ABCB4: variants seen among roughly 807,000 people sequenced by gnomAD.
The protein encoded by ABCB4 is ATP binding cassette subfamily B member 4, also known as phosphatidylcholine translocator ABCB4.
In ABCB4, 76 loss-of-function variants were observed where a neutral mutation model predicts 145.7. The ratio of observed to expected loss-of-function variants is 0.52; its 90% confidence interval spans 0.43 to 0.63. The LOEUF (loss-of-function observed/expected upper bound fraction) is 0.63. ABCB4 is among the 30% of genes least tolerant of loss of function. The pLI is 0.00. For missense variants in ABCB4, 1,234 were observed against 1,553.1 expected, an observed-to-expected ratio of 0.79 and a Z score of 3.45; for synonymous variants, 517 against 566.8, an observed-to-expected ratio of 0.91 and a Z score of 1.25.
chr7:87,465,183 T>C (rs1812773307), intron 3 of ABCB4, among the ~76,000 whole-genome samples: 1 of 152,184 alleles, frequency 6.6e-6, no homozygotes, highest in Admixed American at 6.5e-5. Context: ...ACCCTAATAC[T>C]GCGCTTTTCC....
At chr7:87,377,914 AT>A in the ABCB4 span, among the ~76,000 whole-genome samples, 1 of 152,148 alleles carries the variant, frequency 6.6e-6, no homozygotes, top group Non-Finnish European at 1.5e-5. Context: ...AGTTACTACC[AT>A]TTTGACCATT....
chr7:87,390,826 G>C, the ABCB4 span, among the ~76,000 whole-genome samples: 1 of 152,186 alleles, frequency 6.6e-6, no homozygotes, highest in African/African-American at 2.4e-5. Flanking sequence ...CCAAAACGTA[G>C]TGGCTTAAAA....
At chr7:87,389,720 A>G in the ABCB4 span, among the ~76,000 whole-genome samples, 1 of 152,186 alleles carries the variant, frequency 6.6e-6, no homozygotes, top group Non-Finnish European at 1.5e-5. Context: ...ATGTATACCT[A>G]TGTAATAAAC....
Position 87,475,488 on chromosome 7 carries a change from G to A in ABCB4, c.-6-17C>T. ...CATCTCAGCCTGAGGAGAAACCACA[G>A]CCTCAGAACCAAGTACACCCTCTCC... On this transcript the variant is annotated splice_polypyrimidine_tract_variant and intron_variant, in intron 1 of 27. Coordinates refer to ENST00000649586, the MANE Select transcript of ABCB4 (RefSeq NM_000443.4). The A allele has an allele frequency of 6.2e-7, 1 of 1,613,656 alleles. No homozygotes were observed.
chr7:87,402,816 T>C (rs547910553), intron 27 of ABCB4, among the ~76,000 whole-genome samples: 1 of 152,072 alleles, frequency 6.6e-6, no homozygotes, highest in Non-Finnish European at 1.5e-5. Flanking sequence ...CTGGCCAACA[T>C]AATGAAACCC....
chr7:87,366,174 T>A, the ABCB4 span, among the ~76,000 whole-genome samples: 1 of 152,160 alleles, frequency 6.6e-6, no homozygotes, highest in Admixed American at 6.5e-5. Context: ...ACCTTTTCTC[T>A]AAAAGATGTT....
chr7:87,433,967 G>A (rs1810428794), intron 14 of ABCB4, among the ~76,000 whole-genome samples: 1 of 149,882 alleles, frequency 6.7e-6, no homozygotes, highest in Non-Finnish European at 1.5e-5. Flanking sequence ...GTCTTGCTCT[G>A]TTGCCAGGCT....
rs186119120 is a variant in ABCB4, at chr7:87,403,752, C to A, written c.3487-471G>T. ...TTCCATTATAATCTTATGGGAACCA[C>A]TGTGGTATACGCAGTCTGTCATTGA... On this transcript the variant is annotated intron_variant, in intron 26 of 27. Coordinates refer to ENST00000649586, the MANE Select transcript of ABCB4 (RefSeq NM_000443.4). Among the ~76,000 whole-genome samples the A allele has an allele frequency of 3.0e-3, 463 of 152,284 alleles. 2 individuals carry two copies. Among genetic ancestry groups the A allele is most frequent in the Middle Eastern group, 6.8e-3 (2 of 294 alleles).
intron 2 of ABCB4, among the ~76,000 whole-genome samples, chr7:87,474,557 G>T (rs1179526856): frequency 6.6e-6 from 1 of 152,162 alleles, no homozygotes; most frequent in Non-Finnish European, 1.5e-5. Context: ...GTCCCTCTGG[G>T]TGATCACTTG....
chr7:87,466,560 T>C (rs1006278422), intron 3 of ABCB4, among the ~76,000 whole-genome samples: 1 of 152,102 alleles, frequency 6.6e-6, no homozygotes, highest in Admixed American at 6.6e-5. Flanking sequence ...ACCACAAAGA[T>C]ACTCCTCGAG....
chr7:87,451,835 T>A, intron 6 of ABCB4, 41 bp from the exon 7 acceptor site: 1 of 1,600,442 alleles, frequency 6.2e-7, no homozygotes, highest in Middle Eastern at 1.7e-4. Flanking sequence ...GCAGGAGGTT[T>A]CAGTTAGAAA....
At chr7:87,468,359 C>T (rs1217551609) in intron 3 of ABCB4, among the ~76,000 whole-genome samples, 2 of 152,162 alleles carry the variant, frequency 1.3e-5, no homozygotes, top group Non-Finnish European at 2.9e-5. Context: ...GAAGTTGAAT[C>T]TCTGAATAGA....
chr7:87,421,071 T>TC (rs1250416430), intron 18 of ABCB4, among the ~76,000 whole-genome samples: 2 of 152,254 alleles, frequency 1.3e-5, no homozygotes, highest in East Asian at 3.9e-4. Flanking sequence ...TACTCTTCCT[T>TC]CCCCAGCCTC....
intron 15 of ABCB4, among the ~76,000 whole-genome samples, chr7:87,427,331 T>A (rs1367205463): frequency 6.6e-6 from 1 of 152,026 alleles, no homozygotes; most frequent in African/African-American, 2.4e-5. Context: ...TCAAAGGGCC[T>A]GGTCACTACC....
At position 87,409,333 on chromosome 7, in the gene ABCB4, G is replaced by T; in HGVS notation, c.2984C>A (p.Pro995Gln). 3 of 1,614,068 alleles carry T rather than the reference G, an allele frequency of 1.9e-6. No homozygotes were observed. Among genetic ancestry groups the T allele is most frequent in the Non-Finnish European group, 2.5e-6 (3 of 1,179,978 alleles). ...AGACAGCTTAGCTTTAGCATAGTCTGGAGCAAATGAACTGGCATGTCCTAG... is the reference window on the plus strand; with the variant it reads ...AGACAGCTTAGCTTTAGCATAGTCTTGAGCAAATGAACTGGCATGTCCTAG... ...VALGHASSFAPDYAKAKLSAA... is the reference protein window; with the variant it reads ...VALGHASSFAQDYAKAKLSAA... The change falls in exon 24 of 28, where the codon CCA becomes CAA. Residue 995 changes from proline (P) to glutamine (Q), a missense_variant. Physicochemically the swap from Pro to Gln is moderately conservative, Grantham distance 76. Transcript: ENST00000649586.
intron 15 of ABCB4, among the ~76,000 whole-genome samples, 170 bp from the exon 16 acceptor site, chr7:87,427,090 A>C (rs1809885744): frequency 6.6e-6 from 1 of 152,160 alleles, no homozygotes; most frequent in African/African-American, 2.4e-5. Context: ...ATAGCTAGAA[A>C]ACTATAAAGT....
Position 87,475,134 on chromosome 7 carries a change from A to G in ABCB4, c.80+252T>C, listed in dbSNP as rs151095285. ...GATATTCATTGAATCCCCCCTGCACAAAGGGAAGGGAGCACTTTTCAAGAC... is the reference window on the plus strand; with the variant it reads ...GATATTCATTGAATCCCCCCTGCACGAAGGGAAGGGAGCACTTTTCAAGAC... On this transcript the variant is annotated intron_variant, in intron 2 of 27. Transcript: ENST00000649586. Among the ~76,000 whole-genome samples, 1,018 of 152,320 alleles carry G rather than the reference A, an allele frequency of 6.7e-3. 5 individuals are homozygous for G. The highest frequency in any genetic ancestry group is 0.017 in the South Asian group (84 of 4,816).
chr7:87,428,380 C>A (rs1809979598), intron 15 of ABCB4, among the ~76,000 whole-genome samples: 1 of 152,154 alleles, frequency 6.6e-6, no homozygotes, highest in Admixed American at 6.5e-5. Context: ...TTCTTCCACC[C>A]AGGTATACTT....
intron 14 of ABCB4, among the ~76,000 whole-genome samples, chr7:87,437,456 T>C (rs1240621947): frequency 1.3e-5 from 2 of 152,130 alleles, no homozygotes; most frequent in African/African-American, 4.8e-5. Flanking sequence ...CACTGAATTG[T>C]TTTAAGCGTG....
Sources: gnomAD v4.1 joint callset for allele counts (sites outside exome capture counted in the v4.1 genomes callset) on GRCh38, gnomAD v4.1.1 for gene constraint, MANE v1.5 for transcripts, NCBI Gene and HGNC (gene_info 2026-07-23, HGNC 2026-07-21) for gene names.